CDIN1: variants seen among roughly 807,000 people sequenced by gnomAD.
CDIN1 encodes CDAN1-interacting nuclease 1.
Under a neutral mutation model 45.3 loss-of-function variants are expected in CDIN1, and 33 were observed. That is an observed-to-expected ratio of 0.73 (90% confidence interval 0.55 to 0.97). CDIN1 has a LOEUF of 0.97. Among genes scored for constraint, CDIN1 ranks in the 50% least tolerant of loss-of-function variants. CDIN1 has a pLI of 0.00. For synonymous variants in CDIN1, 118 were observed against 124.4 expected (o/e 0.95, Z 0.34); for missense variants, 303 against 339.4 (o/e 0.89, Z 0.84).
intron 1 of CDIN1, chr15:36,613,705 A>G: frequency 6.6e-7 from 1 of 1,521,856 alleles, no homozygotes; most frequent in African/African-American, 1.4e-5. Context: ...AAAAGCTAGA[A>G]GAAGCGGAAA....
At chr15:36,601,107 T>G (rs16963652) in intron 1 of CDIN1, among the ~76,000 whole-genome samples, 4,473 of 152,136 alleles carry the variant, frequency 0.029, 208 homozygotes, top group African/African-American at 0.1. Flanking sequence ...TTTACTTAAC[T>G]GTGGATTATT....
chr15:36,617,630 C>T (rs2038956031), intron 1 of CDIN1: 3 of 771,006 alleles, frequency 3.9e-6, no homozygotes, highest in Middle Eastern at 3.0e-4. Flanking sequence ...AGTTCTTCTC[C>T]CATGGTACAA....
intron 10 of CDIN1, among the ~76,000 whole-genome samples, chr15:36,800,832 A>AAT (rs553433090): frequency 7.0e-6 from 1 of 143,348 alleles, no homozygotes; most frequent in African/African-American, 2.6e-5. Context: ...GAGAAAAAGA[A>AAT]ATATATATAT....
intron 3 of CDIN1, among the ~76,000 whole-genome samples, chr15:36,647,970 G>T (rs2040408494): frequency 6.6e-6 from 1 of 152,090 alleles, no homozygotes; most frequent in East Asian, 1.9e-4. Flanking sequence ...CTCCTGGGTG[G>T]CTGGGACTAC....
chr15:36,705,803 T>G (rs2042841983), intron 8 of CDIN1: 1 of 152,174 alleles, frequency 6.6e-6, no homozygotes, highest in South Asian at 2.1e-4. Flanking sequence ...AGACCCTTAC[T>G]TTGTATCTAC....
At chr15:36,654,459 A>G (rs1595428571) in intron 4 of CDIN1, among the ~76,000 whole-genome samples, 1 of 143,822 alleles carries the variant, frequency 7.0e-6, no homozygotes. Flanking sequence ...TTCTTAGGAT[A>G]GGTTGTCTTA....
At chr15:36,699,638 T>G (rs1240899631) in intron 8 of CDIN1, among the ~76,000 whole-genome samples, 3 of 152,192 alleles carry the variant, frequency 2.0e-5, no homozygotes. Flanking sequence ...TAAAATATTT[T>G]ACCCCATTCT....
chr15:36,808,264 A>G (rs1044265562), intron 10 of CDIN1, 60 bp from the exon 11 acceptor site: 17 of 1,590,820 alleles, frequency 1.1e-5, no homozygotes, highest in Admixed American at 1.7e-5. Context: ...CCCCAAGGTG[A>G]CTTTTTTCAA....
chr15:36,646,932 A>C (rs1012506165), intron 3 of CDIN1, among the ~76,000 whole-genome samples: 3 of 152,124 alleles, frequency 2.0e-5, no homozygotes, highest in African/African-American at 7.2e-5. Context: ...TTTCAAATCT[A>C]AGTTTCATTA....
intron 1 of CDIN1, among the ~76,000 whole-genome samples, chr15:36,634,230 A>G (rs2140361502): frequency 6.6e-6 from 1 of 152,166 alleles, no homozygotes; most frequent in East Asian, 1.9e-4. Flanking sequence ...GGAGATCGAG[A>G]CCATCCTGGC....
chr15:36,650,725 G>T (rs1283587204), intron 3 of CDIN1, among the ~76,000 whole-genome samples: 1 of 152,098 alleles, frequency 6.6e-6, no homozygotes, highest in African/African-American at 2.4e-5. Context: ...TTACAGGTCT[G>T]AGCCACCGTG....
chr15:36,714,574 A>T (rs1035390700), intron 10 of CDIN1, among the ~76,000 whole-genome samples: 1 of 152,180 alleles, frequency 6.6e-6, no homozygotes, highest in African/African-American at 2.4e-5. Context: ...TTAGAATTGC[A>T]TAAGAATTCC....
intron 1 of CDIN1, among the ~76,000 whole-genome samples, chr15:36,582,545 C>T (rs1024893842): frequency 4.6e-5 from 7 of 152,108 alleles, no homozygotes; most frequent in African/African-American, 7.2e-5. Context: ...TTTTACTCAC[C>T]ATTGTTTTTG....
At chr15:36,644,763 G>T (rs1348895784) in intron 2 of CDIN1, among the ~76,000 whole-genome samples, 3 of 152,078 alleles carry the variant, frequency 2.0e-5, no homozygotes, top group East Asian at 3.9e-4. Context: ...AGTCTCTATG[G>T]AATTACTTTT....
At chr15:36,630,360 C>T (rs2039627177) in intron 1 of CDIN1, among the ~76,000 whole-genome samples, 1 of 152,120 alleles carries the variant, frequency 6.6e-6, no homozygotes, top group African/African-American at 2.4e-5. Flanking sequence ...AGAAATTTAA[C>T]AAATTTAACT....
At chr15:36,768,756 A>G (rs1356616692) in intron 10 of CDIN1, among the ~76,000 whole-genome samples, 1 of 152,106 alleles carries the variant, frequency 6.6e-6, no homozygotes, top group Non-Finnish European at 1.5e-5. Context: ...TGGCGAAGCA[A>G]ATCAAGTGGA....
chr15:36,690,378 C>G (rs534074387), intron 5 of CDIN1, among the ~76,000 whole-genome samples: 1 of 151,874 alleles, frequency 6.6e-6, no homozygotes, highest in Non-Finnish European at 1.5e-5. Flanking sequence ...ATGCCATTCT[C>G]CTGCCTCAGC....
intron 10 of CDIN1, among the ~76,000 whole-genome samples, chr15:36,806,854 A>G (rs546737229): frequency 6.6e-6 from 1 of 152,292 alleles, no homozygotes; most frequent in Admixed American, 6.5e-5. Flanking sequence ...TCTTGTATGC[A>G]TTTGAGCCTG....
Position 36,765,057 on chromosome 15 carries a change from C to CTTTTTTTT in CDIN1, c.717-43264_717-43263insTTTTTTTT, listed in dbSNP as rs377685100. On this transcript the variant is annotated intron_variant, in intron 10 of 10. Coordinates refer to ENST00000566621, the MANE Select transcript of CDIN1 (RefSeq NM_001321759.2). ...ATTTTCTTTTCTTTTATTTTTCTTT[C>CTTTTTTTT]TTTCTTTTTTTTTTTTTAGATGGAG... is the stretch of plus-strand genomic sequence containing the variant. Among the ~76,000 whole-genome samples the CTTTTTTTT allele has an allele frequency of 3.5e-4, 49 of 139,632 alleles. 5 individuals are homozygous for CTTTTTTTT. Among genetic ancestry groups the CTTTTTTTT allele is most frequent in the Non-Finnish European group, 3.8e-4 (25 of 65,116 alleles). 91.6% of individuals were successfully genotyped at this position (139,632 alleles called of 152,430 possible).
Sources: allele counts gnomAD v4.1 joint callset (sites outside exome capture counted in the v4.1 genomes callset), GRCh38; gene constraint gnomAD v4.1.1; transcripts MANE v1.5; gene names NCBI Gene and HGNC (gene_info 2026-07-23, HGNC 2026-07-21).